GULP1: variants seen among roughly 807,000 people sequenced by gnomAD.
GULP1 encodes the protein GULP PTB domain containing engulfment adaptor 1.
A neutral mutation model predicts 40.9 loss-of-function variants in GULP1; 19 were observed. The ratio of observed to expected loss-of-function variants is 0.46; its 90% CI spans 0.32 to 0.68. The LOEUF (loss-of-function observed/expected upper bound fraction) is 0.68, where lower values mean the gene tolerates loss of function less well. Among genes scored for constraint, GULP1 ranks in the 30% least tolerant of loss-of-function variants. GULP1 has a pLI of 0.03. For missense variants in GULP1, 312 were observed against 362.2 expected, an observed-to-expected ratio of 0.86 and a Z score of 1.12; for synonymous variants, 119 against 117.6, an observed-to-expected ratio of 1.01 and a Z score of -0.08.
intron 4 of GULP1, among the ~76,000 whole-genome samples, chr2:188,499,814 T>C (rs1254304209): frequency 6.6e-6 from 1 of 151,920 alleles, no homozygotes; most frequent in African/African-American, 2.4e-5. Context: ...GTAGTATTTT[T>C]ATTATTATGA....
chr2:188,550,970 C>A (rs1231048985), intron 7 of GULP1, among the ~76,000 whole-genome samples: 1 of 151,388 alleles, frequency 6.6e-6, no homozygotes, highest in Non-Finnish European at 1.5e-5. Flanking sequence ...ATTTACATAT[C>A]AAGTCCCTGA....
chr2:188,587,830 T>A, intron 10 of GULP1, 25 bp from the exon 11 acceptor site: 1 of 1,284,520 alleles, frequency 7.8e-7, no homozygotes, highest in Non-Finnish European at 1.1e-6. Flanking sequence ...TTATTTCATT[T>A]ACTAAATTAT....
intron 2 of GULP1, among the ~76,000 whole-genome samples, chr2:188,398,448 A>C (rs2051608812): frequency 6.6e-6 from 1 of 152,240 alleles, no homozygotes; most frequent in African/African-American, 2.4e-5. Context: ...ATCTGTGTTA[A>C]TAATGATATT....
At chr2:188,525,588 G>T (rs1685963555) in intron 5 of GULP1, among the ~76,000 whole-genome samples, 1 of 147,888 alleles carries the variant, frequency 6.8e-6, no homozygotes, top group Admixed American at 6.6e-5. Context: ...CACAATTTGT[G>T]ATGTTTACAT....
intron 7 of GULP1, among the ~76,000 whole-genome samples, chr2:188,552,787 CT>C (rs1693793610): frequency 6.6e-6 from 1 of 151,170 alleles, no homozygotes; most frequent in Non-Finnish European, 1.5e-5. Flanking sequence ...TTGACTATTT[CT>C]TTTATCAGTC....
intron 5 of GULP1, among the ~76,000 whole-genome samples, chr2:188,526,786 A>C (rs961334049): frequency 6.6e-6 from 1 of 152,154 alleles, no homozygotes; most frequent in African/African-American, 2.4e-5. Flanking sequence ...ATATTGTATA[A>C]AAGAAAAAAT....
intron 2 of GULP1, among the ~76,000 whole-genome samples, chr2:188,461,758 T>C (rs1370144241): frequency 1.3e-5 from 2 of 152,166 alleles, no homozygotes; most frequent in African/African-American, 4.8e-5. Flanking sequence ...CACTAATGAT[T>C]CTTTGAATTT....
Position 188,347,974 on chromosome 2 carries a change from G to A in GULP1, c.-171-35789G>A, listed in dbSNP as rs572054925. On this transcript the variant is annotated intron_variant, in intron 1 of 11. Transcript: ENST00000409830. Reference sequence around the variant, plus strand: ...ATTAACAGTCATTATCTGCTGAAATGAATTATGGAACTTATTATCAACTGA... The same window carrying A: ...ATTAACAGTCATTATCTGCTGAAATAAATTATGGAACTTATTATCAACTGA... 1.7e-3 allele frequency among the ~76,000 whole-genome samples: 254 copies of A among 152,240 alleles called. 1 individual carries two copies. Among genetic ancestry groups the A allele is most frequent in the Admixed American group, 4.8e-3 (74 of 15,288 alleles).
At chr2:188,456,688 G>T (rs557663516) in intron 2 of GULP1, among the ~76,000 whole-genome samples, 10 of 152,236 alleles carry the variant, frequency 6.6e-5, no homozygotes, top group African/African-American at 2.4e-4. Flanking sequence ...GTCCCTACTG[G>T]GGCACCACCT....
At chr2:188,489,298 C>T (rs1355488014) in intron 4 of GULP1, among the ~76,000 whole-genome samples, 1 of 151,946 alleles carries the variant, frequency 6.6e-6, no homozygotes, top group Non-Finnish European at 1.5e-5. Context: ...TTCTTTAGAG[C>T]AGTTTTATAC....
chr2:188,308,585 C>G (rs2037532138), intron 1 of GULP1, among the ~76,000 whole-genome samples: 2 of 152,118 alleles, frequency 1.3e-5, no homozygotes, highest in Admixed American at 1.3e-4. Context: ...TTCTGAACTT[C>G]TGCAAGTTCA....
At chr2:188,417,518 T>C (rs2152747377) in intron 2 of GULP1, among the ~76,000 whole-genome samples, 1 of 152,376 alleles carries the variant, frequency 6.6e-6, no homozygotes, top group South Asian at 2.1e-4. Flanking sequence ...TATATCACTA[T>C]AGAATGTCTA....
In GULP1 at chr2:188,385,090, G is replaced by C. The variant is rs144433489; in HGVS notation, c.-45+1201G>C. Among the ~76,000 whole-genome samples the C allele has an allele frequency of 7.7e-4, 118 of 152,286 alleles. 1 individual carries two copies. In the East Asian group the frequency reaches 0.021, roughly 26 times the overall value. On this transcript the variant is annotated intron_variant, in intron 2 of 11. Transcript: ENST00000409830. ...TAAGTGGTGCCCCAGTAGGGACTCT[G>C]TGTGGGGGCTCTGACCCCACATTTG... is the stretch of plus-strand genomic sequence containing the variant.
chr2:188,372,698 C>A (rs1281788972), intron 1 of GULP1, among the ~76,000 whole-genome samples: 3 of 151,874 alleles, frequency 2.0e-5, no homozygotes, highest in African/African-American at 4.8e-5. Context: ...TAGACTGGAC[C>A]TTTTTATGTT....
rs1576356024 is a variant in GULP1 at position 188,595,306 on chromosome 2, A to G, written c.*1295A>G. 3.3e-5 allele frequency: 5 copies of G among 151,918 alleles called. No homozygotes were observed. The highest frequency in any genetic ancestry group is 1.2e-4 in the African/African-American group (5 of 41,546). The allele number at this position is 151,918 out of a possible 1,614,324, so 9.4% of individuals were successfully genotyped here. A position where few individuals can be genotyped will look rare whatever the true frequency, so the allele number is the denominator to read the frequency against. On this transcript the variant is annotated 3_prime_UTR_variant, in exon 12 of 12. Transcript: ENST00000409830. ...TTAAATTAATGAAAATGTGACTTAG[A>G]GTAGGGGTAGCCCTCAAAAATAGAT...
chr2:188,561,096 G>T (rs1696140882), intron 7 of GULP1, among the ~76,000 whole-genome samples: 2 of 152,230 alleles, frequency 1.3e-5, no homozygotes, highest in Non-Finnish European at 1.5e-5. Context: ...GATATTAGGG[G>T]AGGTTGTGGT....
chr2:188,581,187 A>G (rs1701240730), intron 9 of GULP1, among the ~76,000 whole-genome samples: 1 of 152,188 alleles, frequency 6.6e-6, no homozygotes, highest in East Asian at 1.9e-4. Context: ...ACCTTATTCG[A>G]GGGTCTTGGA....
At chr2:188,342,112 G>A (rs572593028) in intron 1 of GULP1, among the ~76,000 whole-genome samples, 1 of 152,264 alleles carries the variant, frequency 6.6e-6, no homozygotes, top group South Asian at 2.1e-4. Flanking sequence ...TAAATATTGG[G>A]TTAGTAATGG....
intron 2 of GULP1, among the ~76,000 whole-genome samples, chr2:188,469,713 T>C (rs58914267): frequency 0.015 from 2,346 of 152,358 alleles, 73 homozygotes; most frequent in African/African-American, 0.054. Context: ...GTTTTTATTA[T>C]GTAGAAGTAT....
Sources: allele counts gnomAD v4.1 joint callset (sites outside exome capture counted in the v4.1 genomes callset), GRCh38; gene constraint gnomAD v4.1.1; transcripts MANE v1.5; gene names NCBI Gene and HGNC (gene_info 2026-07-23, HGNC 2026-07-21).